The following LRP2 variants were observed in gnomAD, a reference collection of about 807,000 sequenced individuals.
LRP2 encodes the protein low-density lipoprotein receptor-related protein 2.
Under a neutral mutation model 531.0 loss-of-function variants are expected in LRP2, and 172 were observed. The observed-to-expected ratio is 0.32, with a 90% CI of 0.29 to 0.37. The LOEUF is 0.37. LRP2 is among the 10% of genes least tolerant of loss of function. The probability of loss-of-function intolerance (pLI) is 1.00; values close to 1 mark genes in which losing one functional copy is unlikely to be tolerated. For synonymous variants in LRP2, 1,992 were observed against 2,027.6 expected, an observed-to-expected ratio of 0.98 and a Z score of 0.47; for missense variants, 5,167 against 5,868.3, an observed-to-expected ratio of 0.88 and a Z score of 3.90.
intron 63 of LRP2, among the ~76,000 whole-genome samples, chr2:169,161,846 C>T (rs1209817384): frequency 2.0e-5 from 3 of 152,176 alleles, no homozygotes; most frequent in Non-Finnish European, 4.4e-5. Flanking sequence ...CTTGATCAAA[C>T]ACCCTCAGAA....
chr2:169,307,419 A>T, intron 3 of LRP2, 22 bp from the exon 4 acceptor site: 2 of 1,304,688 alleles, frequency 1.5e-6, no homozygotes, highest in Non-Finnish European at 2.2e-6. Flanking sequence ...AAAAATTATT[A>T]CTTAATTTAT....
At chr2:169,151,924 C>T (rs1686152605) in intron 67 of LRP2, among the ~76,000 whole-genome samples, 1 of 152,134 alleles carries the variant, frequency 6.6e-6, no homozygotes, top group African/African-American at 2.4e-5. Context: ...TCCAGGAACA[C>T]CAGCCACATT....
intron 13 of LRP2, among the ~76,000 whole-genome samples, chr2:169,275,914 G>A (rs988159054): frequency 1.3e-5 from 2 of 152,006 alleles, no homozygotes; most frequent in African/African-American, 2.4e-5. Flanking sequence ...AACGCCCCCC[G>A]TGACTATGTC....
intron 55 of LRP2, 26 bp downstream of exon 55, chr2:169,175,167 A>G (rs781636418): frequency 2.1e-5 from 34 of 1,610,916 alleles, no homozygotes; most frequent in Non-Finnish European, 2.9e-5. Context: ...AAGTCGGAAA[A>G]AGAGGCATAA....
chr2:169,135,561 T>C (rs1402361773), intron 76 of LRP2, among the ~76,000 whole-genome samples: 1 of 152,168 alleles, frequency 6.6e-6, no homozygotes, highest in African/African-American at 2.4e-5. Context: ...GGAACCTTCA[T>C]ACCCCTTACG....
intron 13 of LRP2, among the ~76,000 whole-genome samples, chr2:169,276,449 G>T (rs951282563): frequency 4.6e-5 from 7 of 151,986 alleles, no homozygotes; most frequent in Admixed American, 2.0e-4. Context: ...ATCCCAAAGA[G>T]AAAAAATTTA....
chr2:169,137,623 T>C, intron 75 of LRP2, 130 bp from the exon 76 acceptor site: 1 of 433,914 alleles, frequency 2.3e-6, no homozygotes, highest in Non-Finnish European at 4.2e-6. Flanking sequence ...AGGTGCTACG[T>C]CATAAGTTAC....
Position 169,176,550 on chromosome 2 carries a change from G to A in LRP2, c.10432C>T (p.His3478Tyr), listed in dbSNP as rs201818030. The change falls in exon 54 of 79, where the codon CAT (histidine) becomes TAT (tyrosine). Residue 3478 changes from histidine to tyrosine, a missense_variant. Transcript: ENST00000649046. ...CCTCCTGGCTTGATGAGGCAGAGAT[G>A]AGAACAGCCACCATTGTTGGTACCA... ...PCGTNNGGCS[H>Y]LCLIKPGGKG... The A allele has an allele frequency of 1.4e-5, 23 of 1,614,078 alleles. No homozygotes were observed. The highest frequency in any genetic ancestry group is 1.9e-5 in the Non-Finnish European group (23 of 1,180,036).
chr2:169,246,995 G>A lies in LRP2; in HGVS notation c.2909-9C>T. 2 of 1,613,800 alleles carry A rather than the reference G, an allele frequency of 1.2e-6. No homozygotes were observed. Among genetic ancestry groups the A allele is most frequent in the Middle Eastern group, 1.7e-4 (1 of 6,052 alleles). On this transcript the variant is annotated splice_polypyrimidine_tract_variant and intron_variant, in intron 20 of 78. Coordinates refer to ENST00000649046, the MANE Select transcript of LRP2 (RefSeq NM_004525.3). Reference sequence around the variant, plus strand: ...ATTACAGGCGTTAGAACCTGCAAAAGCAAAGCCCCGAGGGAGTCAGTCATG... The same window carrying A: ...ATTACAGGCGTTAGAACCTGCAAAAACAAAGCCCCGAGGGAGTCAGTCATG...
chr2:169,278,359 C>G (rs1211172239), intron 12 of LRP2, among the ~76,000 whole-genome samples: 2 of 151,952 alleles, frequency 1.3e-5, no homozygotes, highest in South Asian at 2.1e-4. Context: ...TGGCACTTGC[C>G]CATAGTCTCA....
chr2:169,190,253 C>T (rs994473928), intron 48 of LRP2, among the ~76,000 whole-genome samples: 2 of 152,142 alleles, frequency 1.3e-5, no homozygotes, highest in African/African-American at 4.8e-5. Flanking sequence ...TACTTAAATA[C>T]AAACAAAGCA....
At chr2:169,208,902 G>T (rs539301369) in intron 38 of LRP2, among the ~76,000 whole-genome samples, 1 of 151,734 alleles carries the variant, frequency 6.6e-6, no homozygotes, top group Non-Finnish European at 1.5e-5. Flanking sequence ...AAAAATGAGG[G>T]GTTATTCAAG....
Position 169,269,590 on chromosome 2 carries a change from T to C in LRP2, c.2320+1314A>G, listed in dbSNP as rs189869140. The stretch of plus-strand genomic sequence containing the variant: ...AACTGGATCCCTTCCTTACACCTTA[T>C]ACAAAAATCAATTCAAGATGGATTA... On this transcript the variant is annotated intron_variant, in intron 16 of 78. Coordinates refer to ENST00000649046, the MANE Select transcript of LRP2 (RefSeq NM_004525.3). Among the ~76,000 whole-genome samples the C allele has an allele frequency of 9.0e-3, 1,374 of 152,286 alleles. 19 individuals are homozygous for C. The highest frequency in any genetic ancestry group is 0.031 in the African/African-American group (1,281 of 41,542).
At position 169,156,419 on chromosome 2, in the gene LRP2, A is replaced by G; in HGVS notation, c.12020-14T>C. 1 of 1,613,276 alleles carries G rather than the reference A, an allele frequency of 6.2e-7. No homozygotes were observed. Among genetic ancestry groups the G allele is most frequent in the Non-Finnish European group, 8.5e-7 (1 of 1,179,354 alleles). ...ATTCATTGATATCTGTAGGCAAAAT[A>G]AAACCAAATACGCAACATCTGTTCC... is the stretch of plus-strand genomic sequence containing the variant. On this transcript the variant is annotated splice_polypyrimidine_tract_variant and intron_variant, in intron 64 of 78. Transcript: ENST00000649046.
At chr2:169,256,306 C>T (rs1690301969) in intron 18 of LRP2, 70 bp from the exon 19 acceptor site, 1 of 1,279,228 alleles carries the variant, frequency 7.8e-7, no homozygotes, top group Non-Finnish European at 1.1e-6. Flanking sequence ...CAAAGGGCAT[C>T]CAAAAACAGT....
At chr2:169,328,017 G>GC (rs1276956636) in intron 1 of LRP2, among the ~76,000 whole-genome samples, 12 of 139,340 alleles carry the variant, frequency 8.6e-5, no homozygotes, top group African/African-American at 3.3e-4. Flanking sequence ...GGGAGGTGGG[G>GC]GGGGGTCAGC....
chr2:169,324,645 AG>A (rs1288016823), intron 1 of LRP2, among the ~76,000 whole-genome samples: 3 of 148,808 alleles, frequency 2.0e-5, no homozygotes, highest in Non-Finnish European at 4.5e-5. Flanking sequence ...AAAAAAAAAA[AG>A]AGTAATCCTT....
At chr2:169,312,786 C>A (rs1684650825) in intron 3 of LRP2, among the ~76,000 whole-genome samples, 1 of 152,198 alleles carries the variant, frequency 6.6e-6, no homozygotes, top group Non-Finnish European at 1.5e-5. Context: ...CGGATAATAT[C>A]CTGCAGAGTG....
At chr2:169,309,219 T>G (rs1230265029) in intron 3 of LRP2, among the ~76,000 whole-genome samples, 1 of 152,232 alleles carries the variant, frequency 6.6e-6, no homozygotes, top group Non-Finnish European at 1.5e-5. Flanking sequence ...CAGAAACTCT[T>G]TAGTTTAATG....
Sources: gnomAD v4.1 joint callset for allele counts (sites outside exome capture counted in the v4.1 genomes callset) on GRCh38, gnomAD v4.1.1 for gene constraint, MANE v1.5 for transcripts, NCBI Gene and HGNC (gene_info 2026-07-23, HGNC 2026-07-21) for gene names.